SDC1: variants seen among roughly 807,000 people sequenced by gnomAD.
SDC1 encodes syndecan-1.
SDC1 carries 14 observed loss-of-function variants against 29.7 expected under a neutral mutation model. That is an observed-to-expected ratio of 0.47 (90% CI 0.31 to 0.74). The LOEUF is 0.74. SDC1 is among the 30% of genes least tolerant of loss of function. The pLI, the probability that SDC1 is intolerant of heterozygous loss-of-function variation, is 0.05. For synonymous variants in SDC1, 204 were observed against 175.5 expected (o/e 1.16, Z -1.29); for missense variants, 406 against 400.3 (o/e 1.01, Z -0.12).
chr2:20,202,181 C>A lies in SDC1; in HGVS notation c.*585G>T. ...GAAGCAAGATGGGGGGATACCGAAT[C>A]AACTTACTTAACTTACCTCAGAAGT... is the stretch of plus-strand genomic sequence containing the variant. On this transcript the variant is annotated 3_prime_UTR_variant, in exon 5 of 5. Transcript: ENST00000254351. The A allele has an allele frequency of 1.4e-6, 1 of 697,082 alleles. No individual in the cohort carries two copies. The highest frequency in any genetic ancestry group is 2.7e-6 in the Non-Finnish European group (1 of 376,522). 43.2% of individuals were successfully genotyped at this position (697,082 alleles called of 1,614,324 possible).
intron 1 of SDC1, among the ~76,000 whole-genome samples, chr2:20,213,964 C>G (rs570232574): frequency 2.0e-5 from 3 of 152,276 alleles, no homozygotes; most frequent in Admixed American, 2.0e-4. Context: ...TGCACAATAT[C>G]CCTTTGAAAA....
At chr2:20,220,831 T>C (rs1193325731) in intron 1 of SDC1, among the ~76,000 whole-genome samples, 5 of 152,148 alleles carry the variant, frequency 3.3e-5, no homozygotes, top group South Asian at 2.1e-4. Flanking sequence ...GCACATTATA[T>C]AGAAACAGGA....
At chr2:20,213,522 C>T (rs1003024010) in intron 1 of SDC1, among the ~76,000 whole-genome samples, 3 of 152,222 alleles carry the variant, frequency 2.0e-5, no homozygotes, top group Non-Finnish European at 4.4e-5. Flanking sequence ...AGGCAGGATG[C>T]CAGAGATATC....
At chr2:20,210,084 G>A (rs1403097998) in intron 1 of SDC1, among the ~76,000 whole-genome samples, 2 of 152,260 alleles carry the variant, frequency 1.3e-5, no homozygotes, top group East Asian at 1.9e-4. Context: ...GCTCCCGCCT[G>A]TGATCCCAGC....
At chr2:20,217,623 T>C (rs1310314105) in intron 1 of SDC1, among the ~76,000 whole-genome samples, 2 of 152,172 alleles carry the variant, frequency 1.3e-5, no homozygotes, top group African/African-American at 2.4e-5. Flanking sequence ...GCCAGGCCCC[T>C]GAGCCCCGGC....
At chr2:20,207,682 C>T (rs375274825) in intron 1 of SDC1, among the ~76,000 whole-genome samples, 4 of 152,122 alleles carry the variant, frequency 2.6e-5, no homozygotes, top group Admixed American at 6.5e-5. Flanking sequence ...CTCCAGCCTG[C>T]GTGACACAGC....
At position 20,202,116 on chromosome 2, in the gene SDC1, T is replaced by C. The variant is rs1446194843; in HGVS notation, c.*650A>G. The stretch of plus-strand genomic sequence containing the variant: ...CTAGTTTAAAAAAAAAAAAAAAAAG[T>C]CTTCTTAACCCTGATGCTGTCTCCC... On this transcript the variant is annotated 3_prime_UTR_variant, in exon 5 of 5. Transcript: ENST00000254351. The C allele has an allele frequency of 3.9e-6, 2 of 507,368 alleles. No homozygotes were observed. Among genetic ancestry groups the C allele is most frequent in the Non-Finnish European group, 3.5e-6 (1 of 289,186 alleles). The allele number at this position is 507,368 out of a possible 1,614,324, so 31.4% of individuals were successfully genotyped here. A position where few individuals can be genotyped will look rare whatever the true frequency, so the allele number is the denominator to read the frequency against.
chr2:20,222,104 C>T (rs1454395412), intron 1 of SDC1, among the ~76,000 whole-genome samples: 1 of 148,344 alleles, frequency 6.7e-6, no homozygotes, highest in East Asian at 1.9e-4. Flanking sequence ...CACACACACA[C>T]ACACACAGAG....
In SDC1 at chr2:20,224,920, G is replaced by T; in HGVS notation, c.-53C>A. On this transcript the variant is annotated 5_prime_UTR_variant, in exon 1 of 5. Coordinates refer to ENST00000254351, the MANE Select transcript of SDC1 (RefSeq NM_002997.5). The surrounding 1 kb of genome is among the most constrained non-coding windows in gnomAD (Gnocchi z 4.9). Reference sequence around the variant, plus strand: ...GCAGGCTGCGCGGGTCGCGGCTGCGGGCCGGCTTCGCGGGTTCCGCTGCTC... The same window carrying T: ...GCAGGCTGCGCGGGTCGCGGCTGCGTGCCGGCTTCGCGGGTTCCGCTGCTC... 8.3e-7 allele frequency: 1 copy of T among 1,204,486 alleles called. No individual in the cohort carries two copies. The highest frequency in any genetic ancestry group is 1.6e-5 in the African/African-American group (1 of 63,242). 74.6% of individuals were successfully genotyped at this position (1,204,486 alleles called of 1,614,324 possible).
intron 1 of SDC1, among the ~76,000 whole-genome samples, chr2:20,223,994 A>C (rs887708747): frequency 6.6e-6 from 1 of 151,478 alleles, no homozygotes; most frequent in Non-Finnish European, 1.5e-5. Flanking sequence ...TTCAGCACAA[A>C]GCCGAGCCGG....
chr2:20,214,725 T>G (rs1308680001), intron 1 of SDC1, among the ~76,000 whole-genome samples: 1 of 151,732 alleles, frequency 6.6e-6, no homozygotes. Flanking sequence ...ACCAGGGGAG[T>G]TGGTGGGCAG....
At chr2:20,211,541 A>G (rs1677464440) in intron 1 of SDC1, among the ~76,000 whole-genome samples, 1 of 152,188 alleles carries the variant, frequency 6.6e-6, no homozygotes, top group Non-Finnish European at 1.5e-5. Flanking sequence ...AAGCACCTAC[A>G]TGACTGGGAA....
At chr2:20,205,964 G>A (rs1219468833) in intron 1 of SDC1, among the ~76,000 whole-genome samples, 1 of 152,228 alleles carries the variant, frequency 6.6e-6, no homozygotes, top group South Asian at 2.1e-4. Context: ...TACCGAGGAC[G>A]GCACAAGGGG....
At position 20,202,274 on chromosome 2, in the gene SDC1, A is replaced by G; in HGVS notation, c.*492T>C. The G allele has an allele frequency of 1.3e-6, 1 of 779,314 alleles. No individual in the cohort carries two copies. The highest frequency in any genetic ancestry group is 1.7e-5 in the African/African-American group (1 of 59,240). 48.3% of individuals were successfully genotyped at this position (779,314 alleles called of 1,614,324 possible). ...TGTGCAAAAACAAGTCGATATCTAGATTAGACCTCCCCACGAAACAAAGTG... is the reference window on the plus strand; with the variant it reads ...TGTGCAAAAACAAGTCGATATCTAGGTTAGACCTCCCCACGAAACAAAGTG... On this transcript the variant is annotated 3_prime_UTR_variant, in exon 5 of 5. Transcript: ENST00000254351.
rs767134301 is a variant in SDC1, at chr2:20,203,881, CAGA to C, written c.556_558del (p.Ser186del). 2 of 1,610,560 alleles carry C rather than the reference CAGA, an allele frequency of 1.2e-6. No homozygotes were observed. The highest frequency in any genetic ancestry group is 1.1e-5 in the South Asian group (1 of 90,930). ...CCATCCTCAGCAGCCCTCTCGGTGG[CAGA>C]AGGACCTCCATCCTCTGTGTGGGGA... is the stretch of plus-strand genomic sequence containing the variant. On this transcript the variant is annotated inframe_deletion, in exon 3 of 5. Coordinates refer to ENST00000254351, the MANE Select transcript of SDC1 (RefSeq NM_002997.5).
intron 1 of SDC1, among the ~76,000 whole-genome samples, chr2:20,213,955 G>A (rs1007512493): frequency 1.3e-5 from 2 of 152,188 alleles, no homozygotes; most frequent in Admixed American, 1.3e-4. Context: ...CCCTGTCATT[G>A]CACAATATCC....
Position 20,201,934 on chromosome 2 carries a change from G to A in SDC1, c.*832C>T. On this transcript the variant is annotated 3_prime_UTR_variant, in exon 5 of 5. Coordinates refer to ENST00000254351, the MANE Select transcript of SDC1 (RefSeq NM_002997.5). ...CAGGCACGACTGCTTGAAAGAGGCG[G>A]CGGCCCCACGGCAGCCTGGACTGGC... is the stretch of plus-strand genomic sequence containing the variant. The A allele has an allele frequency of 3.7e-6, 1 of 269,776 alleles. No homozygotes were observed. The highest frequency in any genetic ancestry group is 1.2e-3 in the Middle Eastern group (1 of 854). 16.7% of individuals were successfully genotyped at this position (269,776 alleles called of 1,614,324 possible).
Position 20,204,110 on chromosome 2 carries a change from C to T in SDC1, c.330G>A (p.Val110=). 2 of 1,607,142 alleles carry T rather than the reference C, an allele frequency of 1.2e-6. No homozygotes were observed. The highest frequency in any genetic ancestry group is 2.2e-5 in the South Asian group (2 of 91,040). ...GCTCCCGGGCGGTGAGGCCAGGCTC[C>T]ACTTCTGGCAGGACTACAGCCTCTC... is the stretch of plus-strand genomic sequence containing the variant. The part of the protein sequence containing the change: ...KEGEAVVLPE[V]EPGLTAREQE... The change falls in exon 3 of 5, where the codon GTG becomes GTA. Residue 110 remains valine, a synonymous_variant. Coordinates refer to ENST00000254351, the MANE Select transcript of SDC1 (RefSeq NM_002997.5).
intron 1 of SDC1, among the ~76,000 whole-genome samples, chr2:20,211,590 G>A (rs1677465831): frequency 6.6e-6 from 1 of 152,244 alleles, no homozygotes. Flanking sequence ...CTTCGTGCCT[G>A]GGGCTGAGCC....
Sources: allele counts gnomAD v4.1 joint callset (sites outside exome capture counted in the v4.1 genomes callset), GRCh38; gene constraint gnomAD v4.1.1; non-coding constraint Gnocchi (gnomAD v3.1); transcripts MANE v1.5; gene names NCBI Gene and HGNC (gene_info 2026-07-23, HGNC 2026-07-21).